LSAMP: variants seen among roughly 807,000 people sequenced by gnomAD.
The protein encoded by LSAMP is limbic system-associated membrane protein.
A neutral mutation model predicts 38.6 loss-of-function variants in LSAMP; 7 were observed. That is an observed-to-expected ratio of 0.18 (90% CI 0.10 to 0.34). LSAMP has a LOEUF of 0.34. Among genes scored for constraint, LSAMP ranks in the 10% least tolerant of loss-of-function variants. LSAMP has a pLI of 1.00. For synonymous variants in LSAMP, 154 were observed against 166.8 expected, an observed-to-expected ratio of 0.92 and a Z score of 0.59; for missense variants, 313 against 420.0, an observed-to-expected ratio of 0.75 and a Z score of 2.23.
chr3:115,968,853 T>C lies in LSAMP; in HGVS notation c.514+50662A>G, dbSNP rs1286512558. 2.6e-5 allele frequency among the ~76,000 whole-genome samples: 4 copies of C among 152,188 alleles called. No homozygotes were observed. The South Asian group carries it at 6.2e-4, about 24-fold the overall frequency. ...GTGCCTTGGTCTGCAATGGCAAGGC[T>C]TGTTGGAACTCAGGTTCTGACCACT... On this transcript the variant is annotated intron_variant, in intron 3 of 6. Transcript: ENST00000490035.
intron 6 of LSAMP, among the ~76,000 whole-genome samples, chr3:115,820,989 CCTGA>C (rs1577034299): frequency 6.6e-6 from 1 of 152,164 alleles, no homozygotes; most frequent in East Asian, 1.9e-4. Flanking sequence ...AAAACACCTT[CCTGA>C]CTAATAAAAA....
At chr3:116,354,165 C>T (rs2048187590) in intron 1 of LSAMP, among the ~76,000 whole-genome samples, 1 of 152,114 alleles carries the variant, frequency 6.6e-6, no homozygotes, top group African/African-American at 2.4e-5. Context: ...TTGCTTAACC[C>T]TCATACCCAG....
At chr3:116,227,087 A>G (rs900436725) in intron 1 of LSAMP, among the ~76,000 whole-genome samples, 1 of 152,134 alleles carries the variant, frequency 6.6e-6, no homozygotes, top group African/African-American at 2.4e-5. Flanking sequence ...AGTCCCCTTT[A>G]TAGTGATGCA....
At chr3:116,259,614 G>T (rs1273101100) in intron 1 of LSAMP, among the ~76,000 whole-genome samples, 1 of 152,160 alleles carries the variant, frequency 6.6e-6, no homozygotes, top group African/African-American at 2.4e-5. Context: ...GTGCATGCAA[G>T]TAGTTTTAAC....
intron 1 of LSAMP, among the ~76,000 whole-genome samples, chr3:116,156,036 G>T (rs1445191200): frequency 1.3e-5 from 2 of 152,114 alleles, no homozygotes; most frequent in Non-Finnish European, 2.9e-5. Context: ...AAGTGCAAGG[G>T]GCCGCCCATA....
At chr3:115,920,409 T>C (rs1937355765) in intron 3 of LSAMP, among the ~76,000 whole-genome samples, 1 of 152,166 alleles carries the variant, frequency 6.6e-6, no homozygotes. Context: ...TTCCAACAAG[T>C]GTGGGACAAT....
intron 3 of LSAMP, among the ~76,000 whole-genome samples, chr3:115,924,038 A>G (rs1937443584): frequency 6.6e-6 from 1 of 152,130 alleles, no homozygotes; most frequent in African/African-American, 2.4e-5. Flanking sequence ...TTAAATGTTT[A>G]CTGAGTGAAT....
chr3:116,105,634 G>C (rs1248136202), intron 1 of LSAMP, among the ~76,000 whole-genome samples: 5 of 152,090 alleles, frequency 3.3e-5, no homozygotes, highest in African/African-American at 7.2e-5. Context: ...AGTTAAAGTG[G>C]GGCAGGAACA....
intron 3 of LSAMP, among the ~76,000 whole-genome samples, chr3:115,944,764 A>G (rs1262418153): frequency 2.0e-5 from 3 of 152,192 alleles, no homozygotes; most frequent in Non-Finnish European, 4.4e-5. Flanking sequence ...GAGGTGGCTG[A>G]GCTAGAATTA....
chr3:116,380,367 G>A (rs1321636985), intron 1 of LSAMP, among the ~76,000 whole-genome samples: 1 of 151,904 alleles, frequency 6.6e-6, no homozygotes, highest in South Asian at 2.1e-4. Flanking sequence ...CTCATTAAAA[G>A]GTAGTATCTA....
intron 2 of LSAMP, among the ~76,000 whole-genome samples, chr3:116,082,902 A>G (rs949919390): frequency 6.6e-6 from 1 of 152,132 alleles, no homozygotes; most frequent in African/African-American, 2.4e-5. Flanking sequence ...GGAGGGTGGG[A>G]GGAGAGAGAG....
intron 1 of LSAMP, among the ~76,000 whole-genome samples, chr3:116,342,228 C>T (rs1484162809): frequency 6.6e-6 from 1 of 152,006 alleles, no homozygotes; most frequent in Non-Finnish European, 1.5e-5. Flanking sequence ...TTACTGGGAA[C>T]AATTGCATTT....
intron 1 of LSAMP, among the ~76,000 whole-genome samples, chr3:116,414,749 G>C (rs1388038788): frequency 1.3e-5 from 2 of 152,110 alleles, no homozygotes; most frequent in East Asian, 1.9e-4. Flanking sequence ...TCTGTGATCT[G>C]TGACTTTTTG....
chr3:116,082,178 C>T (rs990129859), intron 2 of LSAMP, among the ~76,000 whole-genome samples: 1 of 152,118 alleles, frequency 6.6e-6, no homozygotes, highest in African/African-American at 2.4e-5. Flanking sequence ...ATTCCCAGGG[C>T]TCAAGCACAT....
intron 1 of LSAMP, among the ~76,000 whole-genome samples, chr3:116,326,411 C>T (rs932812677): frequency 6.6e-6 from 1 of 152,154 alleles, no homozygotes; most frequent in African/African-American, 2.4e-5. Flanking sequence ...AGGCTGAACA[C>T]AACCATCCTC....
chr3:116,297,732 A>C (rs2047354683), intron 1 of LSAMP, among the ~76,000 whole-genome samples: 1 of 152,200 alleles, frequency 6.6e-6, no homozygotes, highest in African/African-American at 2.4e-5. Flanking sequence ...AAAGTCAACT[A>C]ACTTTTCTGT....
chr3:116,401,692 T>A (rs138756628), intron 1 of LSAMP, among the ~76,000 whole-genome samples: 87 of 152,330 alleles, frequency 5.7e-4, no homozygotes, highest in Non-Finnish European at 1.0e-3. Flanking sequence ...AGAATCGGAT[T>A]TATCTTCCTC....
rs368291004 is a variant in LSAMP, at chr3:116,239,031, C to A, written c.156-152475G>T. Among the ~76,000 whole-genome samples, 3 of 152,114 alleles carry A rather than the reference C, an allele frequency of 2.0e-5. No homozygotes were observed. The East Asian group carries it at 5.8e-4, about 29-fold the overall frequency. The stretch of plus-strand genomic sequence containing the variant: ...AGTGCATTTAGCTTAGTTCTCTCCA[C>A]GTGGCTAGGCATAGCTATGCTTTTA... On this transcript the variant is annotated intron_variant, in intron 1 of 6. Transcript: ENST00000490035.
At chr3:116,265,472 C>T (rs183977279) in intron 1 of LSAMP, among the ~76,000 whole-genome samples, 4 of 152,232 alleles carry the variant, frequency 2.6e-5, no homozygotes, top group Non-Finnish European at 4.4e-5. Context: ...CTCTCGTATC[C>T]GAAGAAATTC....
Sources: allele counts gnomAD v4.1 joint callset (sites outside exome capture counted in the v4.1 genomes callset), GRCh38; gene constraint gnomAD v4.1.1; transcripts MANE v1.5; gene names NCBI Gene and HGNC (gene_info 2026-07-23, HGNC 2026-07-21).